Variants in CDH13 observed in about 807,000 individuals in gnomAD.
CDH13 encodes cadherin-13.
Under a neutral mutation model 63.8 loss-of-function variants are expected in CDH13, and 24 were observed. That is an observed-to-expected ratio of 0.38 (90% CI 0.27 to 0.53). The LOEUF (loss-of-function observed/expected upper bound fraction) is 0.53. Ranked by LOEUF, CDH13 falls within the 20% of genes least tolerant of loss-of-function variation. The pLI is 0.85. For missense variants in CDH13, 1,049 were observed against 903.1 expected (o/e 1.16, Z -2.07); for synonymous variants, 503 against 355.3 (o/e 1.42, Z -4.67).
chr16:82,884,184 G>A (rs77405422), intron 2 of CDH13: 7 of 455,864 alleles, frequency 1.5e-5, no homozygotes, highest in Non-Finnish European at 3.1e-5. Context: ...ACATAATACA[G>A]ATGTATTCTA....
rs935266632 is a variant in CDH13, at chr16:83,412,656, T to C, written c.781+67650T>C. 3.9e-5 allele frequency among the ~76,000 whole-genome samples: 6 copies of C among 152,232 alleles called. No individual in the cohort carries two copies. In the East Asian group the frequency reaches 1.2e-3, roughly 29 times the overall value. ...AGAAGGTGGGGTGGGGCACATCAAC[T>C]CCTTGCAGGTAGACACTCTGACAAG... On this transcript the variant is annotated intron_variant, in intron 6 of 13. Transcript: ENST00000567109.
chr16:82,886,422 C>T (rs946014038), intron 2 of CDH13, among the ~76,000 whole-genome samples: 4 of 152,108 alleles, frequency 2.6e-5, no homozygotes, highest in Non-Finnish European at 4.4e-5. Context: ...TTTGCCATTT[C>T]GGTAGACAAA....
At chr16:82,758,625 G>T (rs114255145) in intron 1 of CDH13, among the ~76,000 whole-genome samples, 4 of 152,150 alleles carry the variant, frequency 2.6e-5, no homozygotes, top group African/African-American at 4.8e-5. Context: ...GAGGTCACGC[G>T]GCACAGAATA....
At chr16:83,456,499 G>A (rs1442344000) in intron 6 of CDH13, among the ~76,000 whole-genome samples, 1 of 152,196 alleles carries the variant, frequency 6.6e-6, no homozygotes, top group Non-Finnish European at 1.5e-5. Flanking sequence ...GTTCAGGGGA[G>A]GGGACTTTTG....
intron 2 of CDH13, among the ~76,000 whole-genome samples, chr16:82,989,672 G>A (rs1911408915): frequency 6.6e-6 from 1 of 152,192 alleles, no homozygotes; most frequent in Non-Finnish European, 1.5e-5. Context: ...CAGCAGTCAT[G>A]CTGTATTCAA....
chr16:83,303,613 C>T (rs989888357), intron 5 of CDH13, among the ~76,000 whole-genome samples: 2 of 147,488 alleles, frequency 1.4e-5, no homozygotes, highest in Non-Finnish European at 1.5e-5. Context: ...CCATTTGTTC[C>T]TTTTGCTGGG....
chr16:83,216,817 T>A (rs1285914112), intron 4 of CDH13, among the ~76,000 whole-genome samples: 1 of 151,160 alleles, frequency 6.6e-6, no homozygotes, highest in South Asian at 2.1e-4. Context: ...TGTGTATATA[T>A]GTGTATATAT....
At chr16:83,205,034 A>T (rs548397938) in intron 4 of CDH13, among the ~76,000 whole-genome samples, 38 of 152,198 alleles carry the variant, frequency 2.5e-4, no homozygotes, top group Non-Finnish European at 4.7e-4. Flanking sequence ...GCCCAGAAGG[A>T]TAGGAGCCCA....
intron 7 of CDH13, among the ~76,000 whole-genome samples, chr16:83,525,576 G>C (rs543188479): frequency 6.6e-6 from 1 of 152,172 alleles, no homozygotes; most frequent in East Asian, 1.9e-4. Context: ...AGACCTTGTC[G>C]TGTGAACCTC....
At chr16:83,425,582 C>A (rs1392171908) in intron 6 of CDH13, among the ~76,000 whole-genome samples, 1 of 152,182 alleles carries the variant, frequency 6.6e-6, no homozygotes, top group Non-Finnish European at 1.5e-5. Flanking sequence ...AATTCCTCTC[C>A]CTTCCCCTCT....
In CDH13 at chr16:82,880,291, C is replaced by T. The variant is rs899608606; in HGVS notation, c.157+21818C>T. ...CTGTAAACCGGCTTTCAGCAAGCTA[C>T]GTGGATGAGGGGTCTGAAGGTTTTT... On this transcript the variant is annotated intron_variant, in intron 2 of 13. Coordinates refer to ENST00000567109, the MANE Select transcript of CDH13 (RefSeq NM_001257.5). 2.6e-5 allele frequency among the ~76,000 whole-genome samples: 4 copies of T among 152,204 alleles called. No homozygotes were observed. In the South Asian group the frequency reaches 6.2e-4, roughly 24 times the overall value.
intron 2 of CDH13, among the ~76,000 whole-genome samples, chr16:82,864,093 A>T (rs1213457679): frequency 6.6e-6 from 1 of 152,218 alleles, no homozygotes; most frequent in African/African-American, 2.4e-5. Context: ...AATGCACCAA[A>T]TATTCTTATT....
chr16:82,768,925 C>G (rs1337512004), intron 1 of CDH13, among the ~76,000 whole-genome samples: 1 of 152,200 alleles, frequency 6.6e-6, no homozygotes, highest in African/African-American at 2.4e-5. Context: ...TAGCAGGTCT[C>G]TTGCTTTCTC....
At chr16:82,942,476 A>G (rs972619300) in intron 2 of CDH13, among the ~76,000 whole-genome samples, 1 of 152,202 alleles carries the variant, frequency 6.6e-6, no homozygotes, top group African/African-American at 2.4e-5. Context: ...AGACTATAAC[A>G]CACGCCAGAG....
chr16:82,651,613 A>G (rs1042546312), intron 1 of CDH13, among the ~76,000 whole-genome samples: 33 of 152,182 alleles, frequency 2.2e-4, no homozygotes, highest in Non-Finnish European at 4.7e-4. Context: ...CCTATTAGGG[A>G]GGTGGTGTTT....
chr16:83,308,158 ATT>A (rs548059535), intron 5 of CDH13, among the ~76,000 whole-genome samples: 2 of 151,944 alleles, frequency 1.3e-5, no homozygotes. Flanking sequence ...TATTCAATAT[ATT>A]TTTTTTGTTG....
At chr16:82,710,552 A>AAAAAATATATATAT (rs60196638) in intron 1 of CDH13, among the ~76,000 whole-genome samples, 2 of 63,780 alleles carry the variant, frequency 3.1e-5, no homozygotes, top group Admixed American at 2.7e-4. Context: ...AAAAAAAAAA[A>AAAAAATATATATAT]ATATATATAT....
chr16:82,678,145 G>T lies in CDH13; in HGVS notation c.45+51008G>T, dbSNP rs556605216. Among the ~76,000 whole-genome samples the T allele has an allele frequency of 5.9e-5, 9 of 152,210 alleles. No homozygotes were observed. In the East Asian group the frequency reaches 1.5e-3, roughly 26 times the overall value. ...CTAGTACGGGAAACTTTCTTTTCCT[G>T]TAAGAATGTTGTGGCCAAACATGCT... On this transcript the variant is annotated intron_variant, in intron 1 of 13. Coordinates refer to ENST00000567109, the MANE Select transcript of CDH13 (RefSeq NM_001257.5).
intron 3 of CDH13, among the ~76,000 whole-genome samples, chr16:83,080,559 T>C (rs1190216240): frequency 6.6e-6 from 1 of 152,082 alleles, no homozygotes; most frequent in Non-Finnish European, 1.5e-5. Context: ...AGTCTGTTAT[T>C]AGTCCCGTTT....
Sources: gnomAD v4.1 joint callset for allele counts (sites outside exome capture counted in the v4.1 genomes callset) on GRCh38, gnomAD v4.1.1 for gene constraint, MANE v1.5 for transcripts, NCBI Gene and HGNC (gene_info 2026-07-23, HGNC 2026-07-21) for gene names.